SND1: variants seen among roughly 807,000 people sequenced by gnomAD.
The protein encoded by SND1 is staphylococcal nuclease and tudor domain containing 1, also known as staphylococcal nuclease domain-containing protein 1.
In SND1, 38 loss-of-function variants were observed where a neutral mutation model predicts 121.7. The observed-to-expected ratio is 0.31, with a 90% CI of 0.24 to 0.41. The LOEUF (loss-of-function observed/expected upper bound fraction) is 0.41. Among genes scored for constraint, SND1 ranks in the 10% least tolerant of loss-of-function variants. The probability of loss-of-function intolerance (pLI) is 1.00; values close to 1 mark genes in which losing one functional copy is unlikely to be tolerated. For missense variants in SND1, 868 were observed against 1,184.6 expected, an observed-to-expected ratio of 0.73 and a Z score of 3.92; for synonymous variants, 401 against 447.4, an observed-to-expected ratio of 0.90 and a Z score of 1.31.
chr7:127,908,373 C>T (rs1800390303), intron 14 of SND1, among the ~76,000 whole-genome samples: 1 of 148,290 alleles, frequency 6.7e-6, no homozygotes, highest in Admixed American at 6.7e-5. Context: ...TGCGTGTTGA[C>T]CCATCTGCGT....
At chr7:128,011,399 G>T (rs1486082037) in intron 16 of SND1, among the ~76,000 whole-genome samples, 3 of 152,200 alleles carry the variant, frequency 2.0e-5, no homozygotes, top group African/African-American at 7.2e-5. Flanking sequence ...TGCCCTTGTA[G>T]TATACAAAGG....
intron 10 of SND1, among the ~76,000 whole-genome samples, chr7:127,757,775 T>C (rs950051772): frequency 2.0e-5 from 3 of 152,234 alleles, no homozygotes; most frequent in Admixed American, 6.5e-5. Flanking sequence ...ATATTCTGAA[T>C]GTGACTTCTT....
chr7:127,905,733 C>G (rs1252505186), intron 14 of SND1, among the ~76,000 whole-genome samples: 2 of 152,086 alleles, frequency 1.3e-5, no homozygotes, highest in African/African-American at 2.4e-5. Context: ...ACCACAGTCA[C>G]TAATGGTTAA....
Position 128,089,564 on chromosome 7 carries a change from C to T in SND1, c.2494C>T (p.His832Tyr), listed in dbSNP as rs766537760. 8 of 1,614,228 alleles carry T rather than the reference C, an allele frequency of 5.0e-6. No homozygotes were observed. Among genetic ancestry groups the T allele is most frequent in the Non-Finnish European group, 6.8e-6 (8 of 1,180,040 alleles). ...QNTQCLLNVE[H>Y]LSAGCPHVTL... ...CACTCAGTGCCTGCTCAACGTGGAA[C>T]ACCTGAGTGCCGGCTGCCCCCATGT... The change falls in exon 22 of 24, where the codon CAC becomes TAC. Residue 832 changes from histidine to tyrosine, a missense_variant. Transcript: ENST00000354725.
At chr7:127,791,026 GTTTTATACTGAACAT>G (rs1797900612) in intron 10 of SND1, among the ~76,000 whole-genome samples, 1 of 151,742 alleles carries the variant, frequency 6.6e-6, no homozygotes, top group Non-Finnish European at 1.5e-5. Flanking sequence ...AAAGATCAGG[GTTTTATACTGAACAT>G]TTTTATATTA....
At chr7:127,858,362 GC>G in intron 12 of SND1, 2 of 1,356,364 alleles carry the variant, frequency 1.5e-6, no homozygotes, top group Non-Finnish European at 2.1e-6. Flanking sequence ...CAGTGCCCTA[GC>G]CACTGTCTCT....
intron 10 of SND1, among the ~76,000 whole-genome samples, chr7:127,789,764 A>G (rs1474938738): frequency 1.3e-5 from 2 of 152,152 alleles, no homozygotes; most frequent in Admixed American, 1.3e-4. Flanking sequence ...TGGATTCCTC[A>G]TTTTGTTTAT....
At chr7:127,937,272 C>T (rs1457328807) in intron 15 of SND1, among the ~76,000 whole-genome samples, 1 of 152,152 alleles carries the variant, frequency 6.6e-6, no homozygotes, top group Non-Finnish European at 1.5e-5. Flanking sequence ...ATAGTACAAA[C>T]CATCTAGAAG....
intron 16 of SND1, chr7:128,030,447 C>T: frequency 6.2e-7 from 1 of 1,613,642 alleles, no homozygotes; most frequent in Non-Finnish European, 8.5e-7. Flanking sequence ...CTCGGAGAGG[C>T]CCCGGCGCGT....
At chr7:127,684,260 A>G (rs1795776095) in intron 1 of SND1, among the ~76,000 whole-genome samples, 2 of 152,172 alleles carry the variant, frequency 1.3e-5, no homozygotes, top group African/African-American at 4.8e-5. Context: ...AGCTTTTATG[A>G]CTGGGCTTTA....
At chr7:127,952,718 G>T (rs182432753) in intron 15 of SND1, among the ~76,000 whole-genome samples, 1 of 152,184 alleles carries the variant, frequency 6.6e-6, no homozygotes, top group South Asian at 2.1e-4. Flanking sequence ...TATCAAAATT[G>T]AAAGTGTCAG....
At chr7:128,078,305 T>C (rs1224022340) in intron 17 of SND1, among the ~76,000 whole-genome samples, 5 of 152,222 alleles carry the variant, frequency 3.3e-5, no homozygotes, top group African/African-American at 1.2e-4. Flanking sequence ...GAGGGAACCG[T>C]CATGGCTGCA....
chr7:127,937,639 G>C (rs1801089136), intron 15 of SND1, among the ~76,000 whole-genome samples: 1 of 152,192 alleles, frequency 6.6e-6, no homozygotes, highest in South Asian at 2.1e-4. Flanking sequence ...CACCCTGAAT[G>C]CCTTTGAATG....
At chr7:128,028,105 G>A (rs1453369770) in intron 16 of SND1, 7 of 152,646 alleles carry the variant, frequency 4.6e-5, no homozygotes, top group African/African-American at 1.7e-4. Flanking sequence ...ACATGTACAG[G>A]TCTATCTTCC....
intron 10 of SND1, among the ~76,000 whole-genome samples, chr7:127,782,961 A>G (rs1007374847): frequency 4.6e-5 from 7 of 152,202 alleles, no homozygotes; most frequent in Non-Finnish European, 8.8e-5. Context: ...TGCAACACCT[A>G]GTGTAGTAAT....
intron 4 of SND1, among the ~76,000 whole-genome samples, chr7:127,700,951 A>G (rs754582187): frequency 6.6e-6 from 1 of 152,084 alleles, no homozygotes; most frequent in African/African-American, 2.4e-5. Flanking sequence ...TACTCTTACT[A>G]TTTAACCTTT....
rs147345400 is a variant in SND1 at position 128,034,568 on chromosome 7, C to A, written c.1780-39934C>A. Among the ~76,000 whole-genome samples the A allele has an allele frequency of 2.0e-3, 311 of 152,330 alleles. 2 individuals carry two copies. Among genetic ancestry groups the A allele is most frequent in the African/African-American group, 7.0e-3 (291 of 41,572 alleles). On this transcript the variant is annotated intron_variant, in intron 16 of 23. Transcript: ENST00000354725. Reference sequence around the variant, plus strand: ...CAAACCCTGTCTGTTCAGCTCCAGGCTCCACAAATGAAAGCTGCTGCCCCG... The same window carrying A: ...CAAACCCTGTCTGTTCAGCTCCAGGATCCACAAATGAAAGCTGCTGCCCCG...
rs763693658 is a variant in SND1, at chr7:127,816,027, G to C, written c.1242+8454G>C. Among the ~76,000 whole-genome samples, 64 of 152,206 alleles carry C rather than the reference G, an allele frequency of 4.2e-4. 1 individual carries two copies. The highest frequency in any genetic ancestry group is 3.4e-4 in the Non-Finnish European group (23 of 68,042). On this transcript the variant is annotated intron_variant, in intron 11 of 23. Transcript: ENST00000354725. Reference sequence around the variant, plus strand: ...CTTCCCTCCTGCAGACCAGCTGACAGTTGGTGTGGAGGAATTGATACACCC... The same window carrying C: ...CTTCCCTCCTGCAGACCAGCTGACACTTGGTGTGGAGGAATTGATACACCC...
intron 12 of SND1, among the ~76,000 whole-genome samples, chr7:127,875,331 T>C (rs906770143): frequency 6.6e-6 from 1 of 152,136 alleles, no homozygotes; most frequent in African/African-American, 2.4e-5. Flanking sequence ...AGACAAGATA[T>C]GTACCCAGAA....
Sources: gnomAD v4.1 joint callset for allele counts (sites outside exome capture counted in the v4.1 genomes callset) on GRCh38, gnomAD v4.1.1 for gene constraint, MANE v1.5 for transcripts, NCBI Gene and HGNC (gene_info 2026-07-23, HGNC 2026-07-21) for gene names.